KANSL1: variants seen among roughly 807,000 people sequenced by gnomAD.
KANSL1 encodes the protein MLL1/MLL complex subunit KANSL1.
A neutral mutation model predicts 103.6 loss-of-function variants in KANSL1; 22 were observed. The ratio of observed to expected loss-of-function variants is 0.21; its 90% CI spans 0.15 to 0.30. KANSL1 has a LOEUF of 0.30. Ranked by LOEUF, KANSL1 falls within the 10% of genes least tolerant of loss-of-function variation. KANSL1 has a pLI of 1.00. For missense variants in KANSL1, 1,337 were observed against 1,399.8 expected (o/e 0.96, Z 0.72); for synonymous variants, 600 against 527.6 (o/e 1.14, Z -1.88).
At chr17:46,060,824 G>C (rs1031492227) in intron 6 of KANSL1, among the ~76,000 whole-genome samples, 2 of 152,106 alleles carry the variant, frequency 1.3e-5, no homozygotes, top group African/African-American at 4.8e-5. Context: ...AGAATGCCCT[G>C]TACAAAAATG....
intron 1 of KANSL1, among the ~76,000 whole-genome samples, chr17:46,212,803 C>T (rs2048204873): frequency 6.6e-6 from 1 of 152,210 alleles, no homozygotes; most frequent in Non-Finnish European, 1.5e-5. Flanking sequence ...GCCCAATGCA[C>T]ACTCCACTAG....
At chr17:46,063,819 C>T (rs552558144) in intron 6 of KANSL1, among the ~76,000 whole-genome samples, 54 of 151,256 alleles carry the variant, frequency 3.6e-4, no homozygotes, top group African/African-American at 1.2e-3. Flanking sequence ...AATTTTTATA[C>T]GACTCCTGAT....
intron 2 of KANSL1, among the ~76,000 whole-genome samples, chr17:46,096,121 C>T (rs1362655046): frequency 6.7e-6 from 1 of 149,970 alleles, no homozygotes; most frequent in Non-Finnish European, 1.5e-5. Context: ...GCATACCCAA[C>T]CATCATGATA....
At chr17:46,103,852 A>C (rs1000675484) in intron 2 of KANSL1, among the ~76,000 whole-genome samples, 1 of 152,134 alleles carries the variant, frequency 6.6e-6, no homozygotes, top group Admixed American at 6.5e-5. Flanking sequence ...ATGGTGAAAC[A>C]CTGTCTCTAC....
At chr17:46,152,871 A>T (rs2045197349) in intron 2 of KANSL1, 1 of 152,252 alleles carries the variant, frequency 6.6e-6, no homozygotes, top group Non-Finnish European at 1.5e-5. Flanking sequence ...ATCCACAGTG[A>T]TAAATAATTT....
chr17:46,155,682 A>T (rs1383487587), intron 2 of KANSL1, among the ~76,000 whole-genome samples: 1 of 152,218 alleles, frequency 6.6e-6, no homozygotes, highest in African/African-American at 2.4e-5. Context: ...AAACCTGCCT[A>T]AAAAACATTC....
chr17:46,112,258 C>T (rs1249987942), intron 2 of KANSL1, among the ~76,000 whole-genome samples: 1 of 148,264 alleles, frequency 6.7e-6, no homozygotes, highest in African/African-American at 2.5e-5. Flanking sequence ...GTCCTAGCTA[C>T]TCAGGAGGCT....
intron 2 of KANSL1, among the ~76,000 whole-genome samples, chr17:46,140,525 G>GA (rs2044366651): frequency 7.0e-6 from 1 of 141,912 alleles, no homozygotes; most frequent in Non-Finnish European, 1.6e-5. Context: ...AAAAGCAAAA[G>GA]AAACAAAAAA....
chr17:46,145,302 C>T (rs953521494), intron 2 of KANSL1, among the ~76,000 whole-genome samples: 10 of 152,262 alleles, frequency 6.6e-5, no homozygotes, highest in African/African-American at 2.4e-4. Context: ...CATATTTCAA[C>T]TACAGGTATA....
chr17:46,145,256 C>T (rs986647177), intron 2 of KANSL1, among the ~76,000 whole-genome samples: 3 of 152,246 alleles, frequency 2.0e-5, no homozygotes, highest in Non-Finnish European at 2.9e-5. Flanking sequence ...CAACCACTTA[C>T]TATCATTTTC....
At chr17:46,175,843 ATAT>A in intron 1 of KANSL1, among the ~76,000 whole-genome samples, 1 of 152,348 alleles carries the variant, frequency 6.6e-6, no homozygotes, top group South Asian at 2.1e-4. Context: ...AATTACTAAT[ATAT>A]TATTAAACAT....
chr17:46,097,745 A>G (rs1242304184), intron 2 of KANSL1, among the ~76,000 whole-genome samples: 2 of 152,112 alleles, frequency 1.3e-5, no homozygotes, highest in Non-Finnish European at 2.9e-5. Flanking sequence ...GGATACACAC[A>G]CTCACTGCTA....
chr17:46,052,588 G>A (rs2077748145), intron 6 of KANSL1, among the ~76,000 whole-genome samples: 1 of 151,528 alleles, frequency 6.6e-6, no homozygotes, highest in Non-Finnish European at 1.5e-5. Flanking sequence ...CTGGGCGACA[G>A]AATGAGACTA....
chr17:46,138,270 C>A (rs1419779319), intron 2 of KANSL1, among the ~76,000 whole-genome samples: 1 of 152,166 alleles, frequency 6.6e-6, no homozygotes, highest in Admixed American at 6.5e-5. Flanking sequence ...GTACAGCTGA[C>A]CCTCTGTATT....
intron 3 of KANSL1, among the ~76,000 whole-genome samples, chr17:46,083,638 A>C (rs2079059118): frequency 6.6e-6 from 1 of 152,106 alleles, no homozygotes; most frequent in Non-Finnish European, 1.5e-5. Flanking sequence ...GGGCTCCAGC[A>C]ATCCTCCCAC....
chr17:46,147,671 C>T (rs1235402079), intron 2 of KANSL1, among the ~76,000 whole-genome samples: 3 of 151,432 alleles, frequency 2.0e-5, no homozygotes, highest in Non-Finnish European at 4.4e-5. Context: ...CACATTATCT[C>T]TTGCTTGACC....
chr17:46,219,713 T>C (rs1388411359), intron 1 of KANSL1, among the ~76,000 whole-genome samples: 2 of 152,256 alleles, frequency 1.3e-5, no homozygotes, highest in African/African-American at 4.8e-5. Context: ...ACTAGAAATA[T>C]ACATCTATAA....
chr17:46,167,347 T>C (rs2046057128), intron 2 of KANSL1, among the ~76,000 whole-genome samples: 1 of 152,202 alleles, frequency 6.6e-6, no homozygotes, highest in Non-Finnish European at 1.5e-5. Flanking sequence ...AGCAAGTACA[T>C]TACATACATA....
intron 2 of KANSL1, among the ~76,000 whole-genome samples, chr17:46,133,092 C>A (rs2043947495): frequency 1.3e-5 from 2 of 152,346 alleles, no homozygotes; most frequent in East Asian, 3.9e-4. Flanking sequence ...GTCCTCACAA[C>A]AGCCCAGCTG....
Sources: gnomAD v4.1 joint callset for allele counts (sites outside exome capture counted in the v4.1 genomes callset) on GRCh38, gnomAD v4.1.1 for gene constraint, MANE v1.5 for transcripts, NCBI Gene and HGNC (gene_info 2026-07-23, HGNC 2026-07-21) for gene names.